CBX6: variants seen among roughly 807,000 people sequenced by gnomAD.
CBX6 encodes the protein chromobox protein homolog 6.
Under a neutral mutation model 28.4 loss-of-function variants are expected in CBX6, and 7 were observed. The ratio of observed to expected loss-of-function variants is 0.25; its 90% CI spans 0.14 to 0.46. CBX6 has a LOEUF of 0.46. CBX6 is among the 20% of genes least tolerant of loss of function. The pLI is 0.99. For synonymous variants in CBX6, 297 were observed against 273.4 expected (o/e 1.09, Z -0.85); for missense variants, 512 against 606.1 (o/e 0.84, Z 1.63).
Position 38,871,857 on chromosome 22 carries a change from C to T in CBX6, c.113+45G>A. On this transcript the variant is annotated intron_variant, in intron 2 of 4. Transcript: ENST00000407418. The surrounding 1 kb of genome is among the most constrained non-coding windows in gnomAD (Gnocchi z 5.6). ...CACCCCCACCCCAGGCCCCGGTGCC[C>T]GCTGCCTCCCCTCCCGCGACGCCCC... 4.5e-6 allele frequency: 7 copies of T among 1,543,932 alleles called. No individual in the cohort carries two copies. Among genetic ancestry groups the T allele is most frequent in the Non-Finnish European group, 6.1e-6 (7 of 1,141,630 alleles).
In CBX6 at chr22:38,864,879, T is replaced by A. The variant is rs2146211625; in HGVS notation, c.*1330A>T. ...TCATTCTCCTGGAGAACACAGACCC[T>A]CTGGTCTCCCCTTTGCCTGCCTGCC... is the stretch of plus-strand genomic sequence containing the variant. On this transcript the variant is annotated 3_prime_UTR_variant, in exon 5 of 5. Transcript: ENST00000407418. The A allele has an allele frequency of 6.6e-6, 1 of 152,488 alleles. No individual in the cohort carries two copies. Among genetic ancestry groups the A allele is most frequent in the South Asian group, 2.1e-4 (1 of 4,832 alleles). The allele number at this position is 152,488 out of a possible 1,614,324, so 9.4% of individuals were successfully genotyped here.
chr22:38,865,791 T>C lies in CBX6; in HGVS notation c.*418A>G, dbSNP rs1247549144. The C allele has an allele frequency of 5.6e-6, 1 of 177,750 alleles. No homozygotes were observed. Among genetic ancestry groups the C allele is most frequent in the Non-Finnish European group, 1.2e-5 (1 of 83,896 alleles). 11.0% of individuals were successfully genotyped at this position (177,750 alleles called of 1,614,324 possible). ...AGGAAGCCCTCCTCCTGCCTAGGCATCTGCAGGAAGGAAAGGGACTGTGTC... is the reference window on the plus strand; with the variant it reads ...AGGAAGCCCTCCTCCTGCCTAGGCACCTGCAGGAAGGAAAGGGACTGTGTC... On this transcript the variant is annotated 3_prime_UTR_variant, in exon 5 of 5. Transcript: ENST00000407418.
In CBX6 at chr22:38,871,324, T is replaced by C; in HGVS notation, c.246+156A>G. On this transcript the variant is annotated intron_variant, in intron 4 of 4. Transcript: ENST00000407418. This position sits in a 1 kb window ranked among gnomAD's most constrained non-coding sequence, Gnocchi z 5.6. ...GCTGAGGCCTGCCATCAGGGGCTTC[T>C]GGGGGGGCTCACAACCACCCCCTGC... The C allele has an allele frequency of 1.4e-6, 1 of 693,264 alleles. No homozygotes were observed. The highest frequency in any genetic ancestry group is 2.5e-6 in the Non-Finnish European group (1 of 397,030). 42.9% of individuals were successfully genotyped at this position (693,264 alleles called of 1,614,324 possible).
intron 4 of CBX6, among the ~76,000 whole-genome samples, chr22:38,869,098 G>C (rs994520405): frequency 6.6e-6 from 1 of 152,180 alleles, no homozygotes; most frequent in Non-Finnish European, 1.5e-5. Flanking sequence ...CCAGGGATTG[G>C]GCCCCTCAGA....
At chr22:38,867,303 G>C in intron 4 of CBX6, 102 bp from the exon 5 acceptor site, 1 of 987,966 alleles carries the variant, frequency 1.0e-6, no homozygotes, top group East Asian at 2.7e-5. Context: ...CTCAGCCAGC[G>C]ATCCCGAGAT....
Position 38,871,472 on chromosome 22 carries a change from C to G in CBX6, c.246+8G>C. 1 of 1,607,744 alleles carries G rather than the reference C, an allele frequency of 6.2e-7. No individual in the cohort carries two copies. The highest frequency in any genetic ancestry group is 8.5e-7 in the Non-Finnish European group (1 of 1,177,130). On this transcript the variant is annotated splice_region_variant and intron_variant, in intron 4 of 4. Transcript: ENST00000407418. This position sits in a 1 kb window ranked among gnomAD's most constrained non-coding sequence, Gnocchi z 5.6. ...GAGGGGGATGCTGCTGGGGCTGGGCCAGGTTACCTTCAGGAGGAAAGTTTT... is the reference window on the plus strand; with the variant it reads ...GAGGGGGATGCTGCTGGGGCTGGGCGAGGTTACCTTCAGGAGGAAAGTTTT...
Position 38,864,692 on chromosome 22 carries a change from G to A in CBX6, c.*1517C>T, listed in dbSNP as rs1414128910. The A allele has an allele frequency of 3.3e-5, 5 of 152,356 alleles. No individual in the cohort carries two copies. The highest frequency in any genetic ancestry group is 1.5e-5 in the Non-Finnish European group (1 of 68,150). The allele number at this position is 152,356 out of a possible 1,614,324, so 9.4% of individuals were successfully genotyped here. The stretch of plus-strand genomic sequence containing the variant: ...GACCAAAGGCGCTAGGGTTCTGATC[G>A]GCCTCCTGCCAACGTGCTTCTGAGG... On this transcript the variant is annotated 3_prime_UTR_variant, in exon 5 of 5. Coordinates refer to ENST00000407418, the MANE Select transcript of CBX6 (RefSeq NM_014292.5).
Position 38,866,857 on chromosome 22 carries a change from C to T in CBX6, c.591G>A (p.Leu197=). The T allele has an allele frequency of 6.2e-7, 1 of 1,608,226 alleles. No homozygotes were observed. Among genetic ancestry groups the T allele is most frequent in the South Asian group, 1.1e-5 (1 of 90,674 alleles). The change falls in exon 5 of 5, where the codon CTG becomes CTA. Residue 197 remains leucine (L), a synonymous_variant. Coordinates refer to ENST00000407418, the MANE Select transcript of CBX6 (RefSeq NM_014292.5). The surrounding 1 kb of genome is among the most constrained non-coding windows in gnomAD (Gnocchi z 7.5). The part of the protein sequence containing the change: ...GGGAGQGAGA[L]ARPKVPSRNR... ...TCCGCGAGGGGACTTTGGGGCGGGC[C>T]AGCGCCCCGGCCCCCTGCCCGGCGC... is the stretch of plus-strand genomic sequence containing the variant.
At chr22:38,869,533 C>T (rs573372403) in intron 4 of CBX6, 1 of 152,274 alleles carries the variant, frequency 6.6e-6, no homozygotes, top group East Asian at 1.9e-4. Flanking sequence ...CATACATTGA[C>T]ATTTCTTACT....
rs1024938668 is a variant in CBX6 at position 38,861,606 on chromosome 22, G to C, written c.*4603C>G. The C allele has an allele frequency of 3.3e-5, 5 of 152,142 alleles. No homozygotes were observed. Among genetic ancestry groups the C allele is most frequent in the African/African-American group, 1.2e-4 (5 of 41,416 alleles). The allele number at this position is 152,142 out of a possible 1,614,324, so 9.4% of individuals were successfully genotyped here. A position where few individuals can be genotyped will look rare whatever the true frequency, so the allele number is the denominator to read the frequency against. ...ACAGACCCACCCCTCCCCCGGAACC[G>C]CCGAATCCAGAATGGAGCCCAAACC... On this transcript the variant is annotated 3_prime_UTR_variant, in exon 5 of 5. Coordinates refer to ENST00000407418, the MANE Select transcript of CBX6 (RefSeq NM_014292.5).
In CBX6 at chr22:38,862,536, AAAAAAAAAAGAAAG is replaced by A. The variant is rs2093159735; in HGVS notation, c.*3659_*3672del. On this transcript the variant is annotated 3_prime_UTR_variant, in exon 5 of 5. Coordinates refer to ENST00000407418, the MANE Select transcript of CBX6 (RefSeq NM_014292.5). ...CGAAGTGCAAAAAAAAAAAAAAAAA[AAAAAAAAAAGAAAG>A]AAAGAAAAAAGAAAAACAAAAGAAA... is the stretch of plus-strand genomic sequence containing the variant. 1 of 148,522 alleles carries A rather than the reference AAAAAAAAAAGAAAG, an allele frequency of 6.7e-6. No homozygotes were observed. The highest frequency in any genetic ancestry group is 2.5e-5 in the African/African-American group (1 of 40,770). The allele number at this position is 148,522 out of a possible 1,614,324, so 9.2% of individuals were successfully genotyped here.
Position 38,865,820 on chromosome 22 carries a change from C to A in CBX6, c.*389G>T. ...CAGGAAGGAAAGGGACTGTGTCCAC[C>A]CTCGGTGGGGGGCTCCTAAGGGCCC... On this transcript the variant is annotated 3_prime_UTR_variant, in exon 5 of 5. Transcript: ENST00000407418. 4.8e-6 allele frequency: 1 copy of A among 209,590 alleles called. No individual in the cohort carries two copies. The highest frequency in any genetic ancestry group is 1.1e-4 in the East Asian group (1 of 8,910). The allele number at this position is 209,590 out of a possible 1,614,324, so 13.0% of individuals were successfully genotyped here. A position where few individuals can be genotyped will look rare whatever the true frequency, so the allele number is the denominator to read the frequency against.
Position 38,866,512 on chromosome 22 carries a change from C to T in CBX6, c.936G>A (p.Val312=), listed in dbSNP as rs778544392. Residue 312 remains valine, a synonymous_variant, in exon 5 of 5, where the codon GTG becomes GTA. Transcript: ENST00000407418. The surrounding 1 kb of genome is among the most constrained non-coding windows in gnomAD (Gnocchi z 7.5). ...ACTCGGGAGGGAGGGACAGGTCGAGCACCTCCGGCTCGCGCCAGCTGGGGG... is the reference window on the plus strand; with the variant it reads ...ACTCGGGAGGGAGGGACAGGTCGAGTACCTCCGGCTCGCGCCAGCTGGGGG... ...PSAPSWREPE[V]LDLSLPPESA... 6.3e-7 allele frequency: 1 copy of T among 1,586,324 alleles called. No homozygotes were observed.
chr22:38,866,626 G>C lies in CBX6; in HGVS notation c.822C>G (p.Gly274=), dbSNP rs1225680193. The C allele has an allele frequency of 1.3e-6, 2 of 1,506,972 alleles. No homozygotes were observed. The highest frequency in any genetic ancestry group is 2.0e-5 in the Admixed American group (1 of 50,502). The allele number at this position is 1,506,972 out of a possible 1,614,324, so 93.4% of individuals were successfully genotyped here. Residue 274 remains glycine (G), a synonymous_variant, in exon 5 of 5, where the codon GGC becomes GGG. Coordinates refer to ENST00000407418, the MANE Select transcript of CBX6 (RefSeq NM_014292.5). The surrounding 1 kb of genome is among the most constrained non-coding windows in gnomAD (Gnocchi z 7.5). ...GTGTAGGCGAGGGGCAGCCGGAGGA[G>C]CCAGAGCTGCGGGCGTCGTAGGGGG... is the stretch of plus-strand genomic sequence containing the variant. ...PAAPYDARSS[G]SSGCPSPTPQ...
In CBX6 at chr22:38,862,542, A is replaced by G. The variant is rs868324094; in HGVS notation, c.*3667T>C. The G allele has an allele frequency of 5.0e-5, 6 of 120,316 alleles. No individual in the cohort carries two copies. Among genetic ancestry groups the G allele is most frequent in the East Asian group, 2.8e-4 (1 of 3,582 alleles). The allele number at this position is 120,316 out of a possible 1,614,324, so 7.5% of individuals were successfully genotyped here. On this transcript the variant is annotated 3_prime_UTR_variant, in exon 5 of 5. Coordinates refer to ENST00000407418, the MANE Select transcript of CBX6 (RefSeq NM_014292.5). ...GCAAAAAAAAAAAAAAAAAAAAAAA[A>G]AAAGAAAGAAAGAAAAAAGAAAAAC...
At chr22:38,868,017 C>T (rs997247574) in intron 4 of CBX6, among the ~76,000 whole-genome samples, 4 of 152,182 alleles carry the variant, frequency 2.6e-5, no homozygotes, top group African/African-American at 9.7e-5. Flanking sequence ...AGGAATACTG[C>T]CCCAGGCTCC....
At chr22:38,868,748 G>C (rs1016958287) in intron 4 of CBX6, among the ~76,000 whole-genome samples, 1 of 152,112 alleles carries the variant, frequency 6.6e-6, no homozygotes, top group African/African-American at 2.4e-5. Flanking sequence ...AGGTCCATGA[G>C]GGTGGGATCT....
rs1268768642 is a variant in CBX6, at chr22:38,862,567, C to CAAAAGAA, written c.*3635_*3641dup. On this transcript the variant is annotated 3_prime_UTR_variant, in exon 5 of 5. Transcript: ENST00000407418. The stretch of plus-strand genomic sequence containing the variant: ...AAAAGAAAGAAAGAAAAAAGAAAAA[C>CAAAAGAA]AAAAGAAAAAAGAAAAACCACCACA... 1.3e-5 allele frequency: 1 copy of CAAAAGAA among 77,636 alleles called. No individual in the cohort carries two copies. The highest frequency in any genetic ancestry group is 2.8e-5 in the Non-Finnish European group (1 of 36,084). The allele number at this position is 77,636 out of a possible 1,614,324, so 4.8% of individuals were successfully genotyped here.
In CBX6 at chr22:38,871,796, A is replaced by G. The variant is rs1053995192; in HGVS notation, c.114-39T>C. 6.3e-6 allele frequency: 10 copies of G among 1,598,886 alleles called. No individual in the cohort carries two copies. In the African/African-American group the frequency reaches 1.1e-4, roughly 17 times the overall value. On this transcript the variant is annotated intron_variant, in intron 2 of 4. Coordinates refer to ENST00000407418, the MANE Select transcript of CBX6 (RefSeq NM_014292.5). The surrounding 1 kb of genome is among the most constrained non-coding windows in gnomAD (Gnocchi z 5.6). ...AACGCACAAAATCAGGATGAAGACC[A>G]GAGAGGGACAGGCACGCGGCGAGAG...
Sources: gnomAD v4.1 joint callset for allele counts (sites outside exome capture counted in the v4.1 genomes callset) on GRCh38, gnomAD v4.1.1 for gene constraint, Gnocchi (gnomAD v3.1) non-coding constraint, MANE v1.5 for transcripts, NCBI Gene and HGNC (gene_info 2026-07-23, HGNC 2026-07-21) for gene names.